Variants in ARNT observed in about 807,000 individuals in gnomAD.
ARNT encodes class E basic helix-loop-helix protein 2.
In ARNT, 30 loss-of-function variants were observed where a neutral mutation model predicts 105.0. That is an observed-to-expected ratio of 0.29 (90% CI 0.21 to 0.39). ARNT has a LOEUF of 0.39. Among genes scored for constraint, ARNT ranks in the 10% least tolerant of loss-of-function variants. ARNT has a pLI of 1.00. For missense variants in ARNT, 748 were observed against 978.7 expected, an observed-to-expected ratio of 0.76 and a Z score of 3.15; for synonymous variants, 304 against 344.0, an observed-to-expected ratio of 0.88 and a Z score of 1.29.
At chr1:150,869,860 T>C (rs1467758789) in intron 1 of ARNT, among the ~76,000 whole-genome samples, 1 of 152,166 alleles carries the variant, frequency 6.6e-6, no homozygotes, top group Non-Finnish European at 1.5e-5. Context: ...GCCTGGAAAC[T>C]ACTGTTCTAG....
At chr1:150,854,929 A>C (rs1485524845) in intron 2 of ARNT, among the ~76,000 whole-genome samples, 1 of 151,678 alleles carries the variant, frequency 6.6e-6, no homozygotes, top group Non-Finnish European at 1.5e-5. Context: ...GCTAAGTCAA[A>C]GGAAAAAAAT....
At chr1:150,817,494 T>C (rs1215102620) in intron 15 of ARNT, 61 bp from the exon 16 acceptor site, 25 of 1,517,820 alleles carry the variant, frequency 1.6e-5, no homozygotes, top group Non-Finnish European at 2.3e-5. Context: ...TAAAAAAGAA[T>C]CTGGAGAAAG....
chr1:150,837,012 G>A (rs1660453187), intron 6 of ARNT, among the ~76,000 whole-genome samples: 1 of 151,894 alleles, frequency 6.6e-6, no homozygotes, highest in African/African-American at 2.4e-5. Flanking sequence ...GTTGCAGTGA[G>A]CCGAGATCAT....
chr1:150,821,265 T>A (rs771340877), intron 14 of ARNT, among the ~76,000 whole-genome samples: 18 of 152,226 alleles, frequency 1.2e-4, no homozygotes, highest in Non-Finnish European at 1.6e-4. Context: ...TATAATGTCA[T>A]GACTTTTCCC....
At chr1:150,850,760 G>A (rs1265963102) in intron 3 of ARNT, among the ~76,000 whole-genome samples, 1 of 152,068 alleles carries the variant, frequency 6.6e-6, no homozygotes, top group Non-Finnish European at 1.5e-5. Context: ...GGGATGTGAG[G>A]AGCCCCTCTG....
chr1:150,873,221 G>A (rs1448077374), intron 1 of ARNT, among the ~76,000 whole-genome samples: 2 of 151,244 alleles, frequency 1.3e-5, no homozygotes, highest in African/African-American at 2.4e-5. Context: ...CCTGGGAGGC[G>A]GAGCTTGCAG....
chr1:150,860,726 G>A (rs1665487990), intron 1 of ARNT, among the ~76,000 whole-genome samples: 1 of 151,482 alleles, frequency 6.6e-6, no homozygotes, highest in African/African-American at 2.4e-5. Context: ...AATGGTGGTG[G>A]GCACCTGTAA....
At position 150,858,466 on chromosome 1, in the gene ARNT, A is replaced by C. The variant is rs752199019; in HGVS notation, c.26-6T>G. The C allele has an allele frequency of 1.3e-5, 20 of 1,585,628 alleles. No individual in the cohort carries two copies. In the African/African-American group the frequency reaches 2.3e-4, roughly 18 times the overall value. ...TGGTACATCTGATGTCATTTCTGTC[A>C]GGAAAATAATGAAGTAAACATTTTT... On this transcript the variant is annotated splice_polypyrimidine_tract_variant and splice_region_variant and intron_variant, in intron 1 of 21. Coordinates refer to ENST00000358595, the MANE Select transcript of ARNT (RefSeq NM_001668.4).
intron 21 of ARNT, 78 bp downstream of exon 21, chr1:150,813,094 C>T: frequency 6.7e-7 from 1 of 1,503,332 alleles, no homozygotes; most frequent in Non-Finnish European, 9.1e-7. Flanking sequence ...TCCAGGCATG[C>T]TTCCTTCACT....
intron 7 of ARNT, chr1:150,834,968 G>A (rs1046170414): frequency 8.9e-6 from 2 of 225,208 alleles, no homozygotes; most frequent in South Asian, 7.1e-5. Context: ...CATACATACA[G>A]AGTAAATGTC....
chr1:150,874,590 T>C (rs1031436625), intron 1 of ARNT, among the ~76,000 whole-genome samples: 45 of 152,016 alleles, frequency 3.0e-4, no homozygotes, highest in African/African-American at 1.1e-3. Flanking sequence ...GGGAGGCTGA[T>C]CGTGAGAGGA....
chr1:150,843,550 T>C (rs1000471849), intron 4 of ARNT, among the ~76,000 whole-genome samples: 1 of 152,232 alleles, frequency 6.6e-6, no homozygotes, highest in Non-Finnish European at 1.5e-5. Context: ...TACGCATATA[T>C]TCTGATGACA....
At position 150,831,891 on chromosome 1, in the gene ARNT, G is replaced by A. The variant is rs1571275588; in HGVS notation, c.882C>T (p.Gly294=). The part of the protein sequence containing the change: ...FVRNRCRNGL[G]SVKDGEPHFV... The stretch of plus-strand genomic sequence containing the variant: ...AGTGAGGTTCCCCATCCTTTACAGA[G>A]CCAAGTCCATTCCTAGAAGAGTTAC... The change falls in exon 10 of 22, where the codon GGC becomes GGT. Residue 294 remains glycine, a synonymous_variant. Transcript: ENST00000358595. 4 of 1,570,878 alleles carry A rather than the reference G, an allele frequency of 2.5e-6. No individual in the cohort carries two copies. In the East Asian group the frequency reaches 9.1e-5, roughly 36 times the overall value.
intron 3 of ARNT, among the ~76,000 whole-genome samples, chr1:150,847,759 C>CT (rs1439081467): frequency 6.6e-6 from 1 of 152,186 alleles, no homozygotes; most frequent in African/African-American, 2.4e-5. Flanking sequence ...TTGAAAAAGT[C>CT]TATCTTCTCC....
At chr1:150,828,161 A>T (rs1428541792) in intron 12 of ARNT, among the ~76,000 whole-genome samples, 1 of 151,844 alleles carries the variant, frequency 6.6e-6, no homozygotes, top group African/African-American at 2.4e-5. Flanking sequence ...CCAATTTATA[A>T]TTTTTTTTCT....
At chr1:150,835,601 T>C (rs1040397118) in intron 7 of ARNT, among the ~76,000 whole-genome samples, 5 of 152,090 alleles carry the variant, frequency 3.3e-5, no homozygotes, top group African/African-American at 1.2e-4. Flanking sequence ...CCTGTCTCTT[T>C]TTTGGGTGGG....
At chr1:150,864,523 A>C in intron 1 of ARNT, among the ~76,000 whole-genome samples, 1 of 149,422 alleles carries the variant, frequency 6.7e-6, no homozygotes, top group East Asian at 2.0e-4. Context: ...CAAAAAACCA[A>C]ACACCGCATA....
chr1:150,872,976 T>G (rs915331342), intron 1 of ARNT, among the ~76,000 whole-genome samples: 2 of 150,576 alleles, frequency 1.3e-5, no homozygotes, highest in Admixed American at 6.6e-5. Flanking sequence ...GGAAAAAAAA[T>G]GTGTTCCTCA....
At chr1:150,843,346 C>G (rs2102006601) in intron 4 of ARNT, among the ~76,000 whole-genome samples, 1 of 152,120 alleles carries the variant, frequency 6.6e-6, no homozygotes, top group Middle Eastern at 3.4e-3. Flanking sequence ...TGTGTCAATT[C>G]CATTTTAAAT....
Sources: gnomAD v4.1 joint callset for allele counts (sites outside exome capture counted in the v4.1 genomes callset) on GRCh38, gnomAD v4.1.1 for gene constraint, MANE v1.5 for transcripts, NCBI Gene and HGNC (gene_info 2026-07-23, HGNC 2026-07-21) for gene names.